PTPRD: variants seen among roughly 807,000 people sequenced by gnomAD.
PTPRD encodes the protein receptor-type tyrosine-protein phosphatase delta.
In PTPRD, 34 loss-of-function variants were observed where a neutral mutation model predicts 214.5. The observed-to-expected ratio is 0.16, with a 90% CI of 0.12 to 0.21. The LOEUF is 0.21. Among genes scored for constraint, PTPRD ranks in the 10% least tolerant of loss-of-function variants. PTPRD has a pLI of 1.00. For synonymous variants in PTPRD, 1,128 were observed against 845.7 expected (o/e 1.33, Z -5.79); for missense variants, 2,545 against 2,398.7 (o/e 1.06, Z -1.27).
intron 9 of PTPRD, among the ~76,000 whole-genome samples, chr9:9,234,347 G>A (rs996106302): frequency 6.6e-6 from 1 of 152,148 alleles, no homozygotes; most frequent in East Asian, 1.9e-4. Flanking sequence ...AGAGTGGGCG[G>A]GCCCTGGGCC....
intron 43 of PTPRD, among the ~76,000 whole-genome samples, chr9:8,332,442 T>A (rs1368104800): frequency 1.3e-5 from 2 of 152,154 alleles, no homozygotes; most frequent in African/African-American, 4.8e-5. Context: ...TACCAACGAC[T>A]ATTAGCAAAC....
chr9:9,370,205 A>G (rs528939915), intron 9 of PTPRD, among the ~76,000 whole-genome samples: 1 of 152,218 alleles, frequency 6.6e-6, no homozygotes, highest in East Asian at 1.9e-4. Flanking sequence ...TTTGGGCAGT[A>G]TGGCCATTTT....
At chr9:10,312,515 A>C (rs2096294627) in intron 3 of PTPRD, among the ~76,000 whole-genome samples, 1 of 152,152 alleles carries the variant, frequency 6.6e-6, no homozygotes, top group South Asian at 2.1e-4. Context: ...AAAACCTATC[A>C]TAAGAAGTTT....
intron 10 of PTPRD, among the ~76,000 whole-genome samples, chr9:9,106,612 C>CCA (rs1246751843): frequency 1.4e-5 from 1 of 71,634 alleles, no homozygotes; most frequent in Non-Finnish European, 2.5e-5. Context: ...ATTCCATAGG[C>CCA]AAAAAAAAAA....
At chr9:9,649,359 T>G (rs1422207765) in intron 7 of PTPRD, among the ~76,000 whole-genome samples, 3 of 152,140 alleles carry the variant, frequency 2.0e-5, no homozygotes, top group African/African-American at 7.2e-5. Context: ...ACTCTATCTG[T>G]AAAATGGCAA....
At chr9:8,504,540 G>A in intron 22 of PTPRD, 135 bp from the exon 23 acceptor site, 5 of 987,202 alleles carry the variant, frequency 5.1e-6, no homozygotes, top group Non-Finnish European at 7.6e-6. Context: ...AGTCAATAGT[G>A]AGTATCCAGG....
intron 23 of PTPRD, among the ~76,000 whole-genome samples, chr9:8,503,755 A>T (rs980350641): frequency 2.0e-5 from 3 of 152,244 alleles, no homozygotes; most frequent in African/African-American, 7.2e-5. Flanking sequence ...TACTACACAC[A>T]GAGTTAATAA....
At chr9:10,161,773 A>G (rs1293409220) in intron 3 of PTPRD, among the ~76,000 whole-genome samples, 2 of 151,798 alleles carry the variant, frequency 1.3e-5, no homozygotes, top group Non-Finnish European at 3.0e-5. Context: ...AAATGGGAGA[A>G]AATGTTTCCA....
At chr9:9,005,928 T>A (rs945107940) in intron 11 of PTPRD, among the ~76,000 whole-genome samples, 2 of 152,046 alleles carry the variant, frequency 1.3e-5, no homozygotes, top group Non-Finnish European at 2.9e-5. Context: ...TATGTGATGA[T>A]TATTTGGAAA....
intron 3 of PTPRD, among the ~76,000 whole-genome samples, chr9:10,135,340 T>C (rs2098934405): frequency 6.6e-6 from 1 of 152,082 alleles, no homozygotes; most frequent in Non-Finnish European, 1.5e-5. Context: ...CCCAATCTCA[T>C]TAGAGATGCC....
intron 9 of PTPRD, among the ~76,000 whole-genome samples, chr9:9,252,531 G>A (rs1157888696): frequency 6.6e-6 from 1 of 151,968 alleles, no homozygotes; most frequent in Non-Finnish European, 1.5e-5. Flanking sequence ...ATCCCAGGCT[G>A]GACCTCAGTG....
At chr9:10,445,707 G>A (rs562925601) in intron 2 of PTPRD, among the ~76,000 whole-genome samples, 3 of 151,994 alleles carry the variant, frequency 2.0e-5, no homozygotes, top group African/African-American at 7.2e-5. Flanking sequence ...CACTTAATTT[G>A]GGAAGCACTA....
At chr9:10,170,103 G>C (rs1369555657) in intron 3 of PTPRD, among the ~76,000 whole-genome samples, 1 of 152,188 alleles carries the variant, frequency 6.6e-6, no homozygotes, top group Non-Finnish European at 1.5e-5. Context: ...AAGAATGATA[G>C]AGAAACTTTG....
chr9:9,494,173 A>T (rs2096062534), intron 8 of PTPRD, among the ~76,000 whole-genome samples: 1 of 152,202 alleles, frequency 6.6e-6, no homozygotes, highest in African/African-American at 2.4e-5. Context: ...CTTATAAGTG[A>T]GCAAAAGAAT....
intron 36 of PTPRD, among the ~76,000 whole-genome samples, chr9:8,394,824 C>A (rs184887137): frequency 6.6e-6 from 1 of 152,196 alleles, no homozygotes; most frequent in African/African-American, 2.4e-5. Context: ...TTCACTGAGG[C>A]TGCTACTTCA....
intron 2 of PTPRD, among the ~76,000 whole-genome samples, chr9:10,367,065 G>T (rs375732927): frequency 7.9e-6 from 1 of 126,834 alleles, no homozygotes; most frequent in Non-Finnish European, 1.6e-5. Context: ...AAAGAAAAAA[G>T]AAACAGACAA....
intron 37 of PTPRD, among the ~76,000 whole-genome samples, chr9:8,387,046 C>G (rs1308486261): frequency 6.6e-6 from 1 of 152,118 alleles, no homozygotes; most frequent in African/African-American, 2.4e-5. Flanking sequence ...TGCCTATTGG[C>G]TTATGCAGGT....
chr9:9,188,712 C>A (rs1037729735), intron 9 of PTPRD, among the ~76,000 whole-genome samples: 24 of 151,792 alleles, frequency 1.6e-4, no homozygotes, highest in Admixed American at 1.2e-3. Flanking sequence ...GTAGGGAGAT[C>A]CTTGAAGGAT....
chr9:9,760,629 CACACACACACACACACACACACACAT>C lies in PTPRD; in HGVS notation c.-326+6155_-326+6180del, dbSNP rs1434196142. ...ACACACACACACACACACACACACA[CACACACACACACACACACACACACAT>C]ATATATATATATTCCAGCACTGTTC... On this transcript the variant is annotated intron_variant, in intron 6 of 45. Coordinates refer to ENST00000381196, the MANE Select transcript of PTPRD (RefSeq NM_002839.4). Among the ~76,000 whole-genome samples, 9 of 140,358 alleles carry C rather than the reference CACACACACACACACACACACACACAT, an allele frequency of 6.4e-5. 1 individual carries two copies. The South Asian group carries it at 9.7e-4, about 15-fold the overall frequency. 92.1% of individuals were successfully genotyped at this position (140,358 alleles called of 152,430 possible).
Sources: allele counts gnomAD v4.1 joint callset (sites outside exome capture counted in the v4.1 genomes callset), GRCh38; gene constraint gnomAD v4.1.1; transcripts MANE v1.5; gene names NCBI Gene and HGNC (gene_info 2026-07-23, HGNC 2026-07-21).